PFKFB2: variants seen among roughly 807,000 people sequenced by gnomAD.
PFKFB2 encodes the protein 6-phosphofructo-2-kinase/fructose-2,6-biphosphatase 2.
Under a neutral mutation model 68.0 loss-of-function variants are expected in PFKFB2, and 53 were observed. The ratio of observed to expected loss-of-function variants is 0.78; its 90% confidence interval spans 0.63 to 0.98. The LOEUF is 0.98. Among genes scored for constraint, PFKFB2 ranks in the 50% least tolerant of loss-of-function variants. PFKFB2 has a pLI of 0.00. For missense variants in PFKFB2, 451 were observed against 642.0 expected, an observed-to-expected ratio of 0.70 and a Z score of 3.22; for synonymous variants, 222 against 227.6, an observed-to-expected ratio of 0.98 and a Z score of 0.22.
chr1:207,073,821 C>T lies in PFKFB2; in HGVS notation c.*1450C>T, dbSNP rs771138209. 4.9e-5 allele frequency: 48 copies of T among 985,102 alleles called. No individual in the cohort carries two copies. The highest frequency in any genetic ancestry group is 5.5e-5 in the Non-Finnish European group (46 of 829,860). The allele number at this position is 985,102 out of a possible 1,614,324, so 61.0% of individuals were successfully genotyped here. ...TTCCCAATTTTGCATGCAAAATGTA[C>T]GAATATATGTATGTTTTTCTGAGAG... On this transcript the variant is annotated 3_prime_UTR_variant, in exon 15 of 15. Coordinates refer to ENST00000367080, the MANE Select transcript of PFKFB2 (RefSeq NM_006212.2).
intron 2 of PFKFB2, among the ~76,000 whole-genome samples, chr1:207,061,117 CTT>C (rs1395597504): frequency 2.2e-4 from 7 of 31,460 alleles, no homozygotes; most frequent in Non-Finnish European, 4.5e-4. Flanking sequence ...ATCTATATAT[CTT>C]TATATATATC....
At chr1:207,079,314 T>C (rs1315633671), downstream of PFKFB2, 4 of 473,334 alleles carry the variant, frequency 8.5e-6, no homozygotes, top group African/African-American at 3.9e-5. Context: ...TCATTCTGTA[T>C]AGGCATTTAA....
Position 207,045,758 on chromosome 1 carries a change from T to G in PFKFB2, c.-18+3546T>G, listed in dbSNP as rs557132198. 97 of 152,186 alleles carry G rather than the reference T, an allele frequency of 6.4e-4. 1 individual carries two copies. Among genetic ancestry groups the G allele is most frequent in the African/African-American group, 1.5e-3 (62 of 41,552 alleles). 9.4% of individuals were successfully genotyped at this position (152,186 alleles called of 1,614,324 possible). A position where few individuals can be genotyped will look rare whatever the true frequency, so the allele number is the denominator to read the frequency against. On this transcript the variant is annotated intron_variant, in intron 2 of 5. Coordinates refer to the PFKFB2 transcript ENST00000545806. ...ATAAACTAGAGAAGCAAGTTAGGCA[T>G]GGGCATTTAGGGACACAGACAAATT...
At position 207,073,076 on chromosome 1, in the gene PFKFB2, C is replaced by T. The variant is rs1683516128; in HGVS notation, c.*705C>T. On this transcript the variant is annotated 3_prime_UTR_variant, in exon 15 of 15. Coordinates refer to ENST00000367080, the MANE Select transcript of PFKFB2 (RefSeq NM_006212.2). ...GCCAGCCCAGACTACAGGACATCCA[C>T]AGAATATTCTGGAGCTTGCAAGTAG... is the stretch of plus-strand genomic sequence containing the variant. 1 of 985,388 alleles carries T rather than the reference C, an allele frequency of 1.0e-6. No individual in the cohort carries two copies. Among genetic ancestry groups the T allele is most frequent in the African/African-American group, 1.7e-5 (1 of 57,224 alleles). 61.0% of individuals were successfully genotyped at this position (985,388 alleles called of 1,614,324 possible). A position where few individuals can be genotyped will look rare whatever the true frequency, so the allele number is the denominator to read the frequency against.
At chr1:207,066,828 A>G (rs1683302026) in intron 8 of PFKFB2, among the ~76,000 whole-genome samples, 1 of 151,742 alleles carries the variant, frequency 6.6e-6, no homozygotes, top group African/African-American at 2.4e-5. Context: ...TAATTTTTTT[A>G]TTTTTAGTAG....
Position 207,067,698 on chromosome 1 carries a change from G to A in PFKFB2, c.832G>A (p.Gly278Arg). 7.4e-6 allele frequency: 12 copies of A among 1,612,792 alleles called. No individual in the cohort carries two copies. Among genetic ancestry groups the A allele is most frequent in the Non-Finnish European group, 1.0e-5 (12 of 1,179,082 alleles). ...GGGTGACTCTGGCCTCTCGGTGCGGGGAAAGCAGGTGAGTAATTATTCAGC... is the reference window on the plus strand; with the variant it reads ...GGGTGACTCTGGCCTCTCGGTGCGGAGAAAGCAGGTGAGTAATTATTCAGC... ...IGGDSGLSVR[G>R]KQFAQALRKF... The change falls in exon 9 of 15, where the codon GGA becomes AGA. Residue 278 changes from glycine to arginine, a missense_variant. Transcript: ENST00000367080.
rs542879863 is a variant in PFKFB2 at position 207,064,722 on chromosome 1, T to G, written c.508-314T>G. Among the ~76,000 whole-genome samples, 5 of 152,300 alleles carry G rather than the reference T, an allele frequency of 3.3e-5. No homozygotes were observed. The East Asian group carries it at 9.6e-4, about 29-fold the overall frequency. ...TATTCTGAGTGGTAATAGGGAAACA[T>G]TGGAGCCTGTTCTGTTTTCTCAGGA... is the stretch of plus-strand genomic sequence containing the variant. On this transcript the variant is annotated intron_variant, in intron 7 of 14. Coordinates refer to ENST00000367080, the MANE Select transcript of PFKFB2 (RefSeq NM_006212.2).
chr1:207,074,034 G>T lies in PFKFB2; in HGVS notation c.*1663G>T. The T allele has an allele frequency of 1.1e-6, 1 of 950,804 alleles. No individual in the cohort carries two copies. 58.9% of individuals were successfully genotyped at this position (950,804 alleles called of 1,614,324 possible). A position where few individuals can be genotyped will look rare whatever the true frequency, so the allele number is the denominator to read the frequency against. The stretch of plus-strand genomic sequence containing the variant: ...GAGTATTCCTTAGAATTGCCTTTAG[G>T]ATTGTTGAATCATAAACATGCCTGT... On this transcript the variant is annotated 3_prime_UTR_variant, in exon 15 of 15. Coordinates refer to ENST00000367080, the MANE Select transcript of PFKFB2 (RefSeq NM_006212.2).
intron 2 of PFKFB2, 44 bp downstream of exon 2, chr1:207,054,846 T>C: frequency 7.6e-7 from 1 of 1,314,718 alleles, no homozygotes; most frequent in South Asian, 1.2e-5. Flanking sequence ...CTCAGCATTT[T>C]ATCTTGGGAA....
At chr1:207,079,341 G>C (rs940252530), downstream of PFKFB2, 15 of 374,632 alleles carry the variant, frequency 4.0e-5, no homozygotes, top group Non-Finnish European at 6.9e-5. Flanking sequence ...ACCTGTGACT[G>C]TCTGCATCCT....
At chr1:207,046,293 G>T (rs932168667) in intron 2 of PFKFB2, 2 of 152,030 alleles carry the variant, frequency 1.3e-5, no homozygotes, top group African/African-American at 4.8e-5. Context: ...CCTGAAAGTT[G>T]TAAGTCCATA....
Position 207,063,752 on chromosome 1 carries a change from C to T in PFKFB2, c.451-21C>T, listed in dbSNP as rs975322517. 5.0e-6 allele frequency: 8 copies of T among 1,609,586 alleles called. No homozygotes were observed. Among genetic ancestry groups the T allele is most frequent in the Non-Finnish European group, 6.0e-6 (7 of 1,175,850 alleles). ...CCTGGCATTTTTGACTTGCTTATCA[C>T]TGCCTTCTCTCCATGGCCAGGTATT... On this transcript the variant is annotated intron_variant, in intron 6 of 14. Coordinates refer to ENST00000367080, the MANE Select transcript of PFKFB2 (RefSeq NM_006212.2). This position sits in a 1 kb window ranked among gnomAD's most constrained non-coding sequence, Gnocchi z 4.1.
rs1329456426 is a variant in PFKFB2, at chr1:207,073,609, T to C, written c.*1238T>C. On this transcript the variant is annotated 3_prime_UTR_variant, in exon 15 of 15. Transcript: ENST00000367080. The stretch of plus-strand genomic sequence containing the variant: ...TAATCTCTCTCATTGGAGTATTCTT[T>C]TGTTCATAAAGAGAAACTATCTCAT... 2.0e-6 allele frequency: 2 copies of C among 985,150 alleles called. No homozygotes were observed. The allele number at this position is 985,150 out of a possible 1,614,324, so 61.0% of individuals were successfully genotyped here. A position where few individuals can be genotyped will look rare whatever the true frequency, so the allele number is the denominator to read the frequency against.
At chr1:207,066,536 G>A (rs1397922551) in intron 8 of PFKFB2, among the ~76,000 whole-genome samples, 1 of 152,134 alleles carries the variant, frequency 6.6e-6, no homozygotes, top group Non-Finnish European at 1.5e-5. Context: ...AAAACATACA[G>A]AAGATCTACA....
chr1:207,070,839 T>A lies in PFKFB2; in HGVS notation c.1223-349T>A. ...GATCTTCGGGAGCTCCTGGGAAGCCTGCATTGTGGATGCTGAGCTCAGCAT... is the reference window on the plus strand; with the variant it reads ...GATCTTCGGGAGCTCCTGGGAAGCCAGCATTGTGGATGCTGAGCTCAGCAT... On this transcript the variant is annotated intron_variant, in intron 12 of 14. Coordinates refer to ENST00000367080, the MANE Select transcript of PFKFB2 (RefSeq NM_006212.2). The surrounding 1 kb of genome is among the most constrained non-coding windows in gnomAD (Gnocchi z 4.2). 3.5e-6 allele frequency: 1 copy of A among 285,348 alleles called. No individual in the cohort carries two copies. Among genetic ancestry groups the A allele is most frequent in the East Asian group, 9.1e-5 (1 of 10,970 alleles). 17.7% of individuals were successfully genotyped at this position (285,348 alleles called of 1,614,324 possible).
At chr1:207,064,470 A>C (rs1202087593) in intron 7 of PFKFB2, among the ~76,000 whole-genome samples, 1 of 152,196 alleles carries the variant, frequency 6.6e-6, no homozygotes, top group East Asian at 1.9e-4. Flanking sequence ...CAGGAAGGTT[A>C]TCTCCCCAGC....
intron 2 of PFKFB2, among the ~76,000 whole-genome samples, chr1:207,057,119 C>T (rs372924528): frequency 9.9e-5 from 15 of 151,912 alleles, no homozygotes; most frequent in East Asian, 9.7e-4. Context: ...GGTGCCTTTA[C>T]GGTGCTCAGA....
At chr1:207,078,428 A>G (rs536272561), downstream of PFKFB2, among the ~76,000 whole-genome samples, 7 of 152,316 alleles carry the variant, frequency 4.6e-5, no homozygotes, top group African/African-American at 7.2e-5. Context: ...TGCACATTTA[A>G]CATTTGAGAA....
chr1:207,073,956 C>A lies in PFKFB2; in HGVS notation c.*1585C>A. ...CAGTGAGAAGGAGTTAGCTATTTTCCAAGGGTGTTTTCATTTGGTAATGGA... is the reference window on the plus strand; with the variant it reads ...CAGTGAGAAGGAGTTAGCTATTTTCAAAGGGTGTTTTCATTTGGTAATGGA... On this transcript the variant is annotated 3_prime_UTR_variant, in exon 15 of 15. Transcript: ENST00000367080. 1.0e-5 allele frequency: 10 copies of A among 985,302 alleles called. No homozygotes were observed. The highest frequency in any genetic ancestry group is 1.2e-5 in the Non-Finnish European group (10 of 829,880). 61.0% of individuals were successfully genotyped at this position (985,302 alleles called of 1,614,324 possible).
Sources: gnomAD v4.1 joint callset for allele counts (sites outside exome capture counted in the v4.1 genomes callset) on GRCh38, gnomAD v4.1.1 for gene constraint, Gnocchi (gnomAD v3.1) non-coding constraint, MANE v1.5 for transcripts, NCBI Gene and HGNC (gene_info 2026-07-23, HGNC 2026-07-21) for gene names.